ACAD11: variants seen among roughly 807,000 people sequenced by gnomAD.
ACAD11 encodes acyl-Coenzyme A dehydrogenase family, member 11.
In ACAD11, 83 loss-of-function variants were observed where a neutral mutation model predicts 102.2. The ratio of observed to expected loss-of-function variants is 0.81; its 90% CI spans 0.68 to 0.97. ACAD11 has a LOEUF of 0.97. Ranked by LOEUF, ACAD11 falls within the 50% of genes least tolerant of loss-of-function variation. ACAD11 has a pLI of 0.00. For missense variants in ACAD11, 901 were observed against 951.7 expected (o/e 0.95, Z 0.70); for synonymous variants, 324 against 319.8 (o/e 1.01, Z -0.14).
chr3:132,634,054 A>C (rs1940165987), intron 5 of ACAD11, among the ~76,000 whole-genome samples: 2 of 152,314 alleles, frequency 1.3e-5, no homozygotes, highest in Admixed American at 6.5e-5. Flanking sequence ...AAAATTGACA[A>C]ATAGGATCTA....
chr3:132,648,331 A>T (rs891145158), intron 1 of ACAD11: 4 of 152,230 alleles, frequency 2.6e-5, no homozygotes, highest in African/African-American at 9.6e-5. Context: ...CTGGAAACAC[A>T]TCTGATATGC....
chr3:132,566,304 C>CAACAAAAAAAAAAA (rs1937210473), intron 17 of ACAD11, among the ~76,000 whole-genome samples: 1 of 135,836 alleles, frequency 7.4e-6, no homozygotes, highest in Non-Finnish European at 1.5e-5. Context: ...CTCAAAAAAA[C>CAACAAAAAAAAAAA]AAAAAAAAAA....
intron 5 of ACAD11, among the ~76,000 whole-genome samples, chr3:132,638,149 T>C (rs976929235): frequency 6.6e-6 from 1 of 152,182 alleles, no homozygotes; most frequent in Non-Finnish European, 1.5e-5. Context: ...GCATCATTGA[T>C]GTGCCAGGTA....
At chr3:132,603,474 A>G in intron 12 of ACAD11, 147 bp from the exon 13 acceptor site, 1 of 643,366 alleles carries the variant, frequency 1.6e-6, no homozygotes, top group Admixed American at 2.7e-5. Flanking sequence ...CCCATAACCT[A>G]CACACAGTAT....
chr3:132,585,364 C>T (rs547415754), intron 13 of ACAD11, among the ~76,000 whole-genome samples: 26 of 152,178 alleles, frequency 1.7e-4, no homozygotes, highest in South Asian at 6.2e-4. Context: ...TAAAGACTTA[C>T]GTGTTAGACC....
chr3:132,659,240 C>A (rs979736201), intron 1 of ACAD11, among the ~76,000 whole-genome samples: 1 of 152,234 alleles, frequency 6.6e-6, no homozygotes, highest in Non-Finnish European at 1.5e-5. Flanking sequence ...AACGGAATTA[C>A]ACCAGCTTCT....
At chr3:132,577,383 A>G (rs72998137) in intron 15 of ACAD11, among the ~76,000 whole-genome samples, 1,890 of 152,348 alleles carry the variant, frequency 0.012, 40 homozygotes, top group African/African-American at 0.043. Context: ...TTGCATGGAA[A>G]AAAGTTTCAA....
intron 13 of ACAD11, among the ~76,000 whole-genome samples, chr3:132,595,549 A>G (rs897197117): frequency 1.3e-5 from 2 of 152,202 alleles, no homozygotes; most frequent in Non-Finnish European, 2.9e-5. Flanking sequence ...TTTGCAAACT[A>G]TGCATCTGAC....
intron 12 of ACAD11, among the ~76,000 whole-genome samples, chr3:132,604,090 G>A (rs1938736794): frequency 6.6e-6 from 1 of 152,050 alleles, no homozygotes; most frequent in African/African-American, 2.4e-5. Flanking sequence ...GCCTATTACT[G>A]ATTTAAACGG....
chr3:132,626,317 T>C (rs940340497), intron 9 of ACAD11, among the ~76,000 whole-genome samples: 8 of 152,038 alleles, frequency 5.3e-5, no homozygotes, highest in Admixed American at 3.9e-4. Flanking sequence ...TGAAATGATA[T>C]GTAAAATTCT....
intron 13 of ACAD11, among the ~76,000 whole-genome samples, chr3:132,587,529 G>A (rs1937893585): frequency 1.3e-5 from 2 of 152,172 alleles, no homozygotes; most frequent in East Asian, 1.9e-4. Flanking sequence ...TGACCTCAAT[G>A]AGCACATTTA....
intron 9 of ACAD11, among the ~76,000 whole-genome samples, chr3:132,619,818 C>G (rs1046280346): frequency 4.6e-5 from 7 of 152,068 alleles, no homozygotes; most frequent in African/African-American, 1.7e-4. Flanking sequence ...ATAGAAACTG[C>G]TCAACTAAAA....
chr3:132,567,658 T>G (rs1483370057), intron 17 of ACAD11, among the ~76,000 whole-genome samples: 1 of 152,164 alleles, frequency 6.6e-6, no homozygotes, highest in Non-Finnish European at 1.5e-5. Flanking sequence ...TAAAGTGGAT[T>G]AAAAATATGA....
In ACAD11 at chr3:132,644,183, C is replaced by T. The variant is rs1191981196; in HGVS notation, c.249+614G>A. On this transcript the variant is annotated intron_variant, in intron 2 of 19. Transcript: ENST00000264990. ...GGGAAGCACCTGCTGTACATGATTA[C>T]GGCTATACCCTAAATACGCACAGTG... is the stretch of plus-strand genomic sequence containing the variant. Among the ~76,000 whole-genome samples the T allele has an allele frequency of 5.9e-5, 9 of 152,256 alleles. No homozygotes were observed. In the East Asian group the frequency reaches 1.4e-3, roughly 23 times the overall value.
intron 1 of ACAD11, chr3:132,654,416 T>C (rs1937672897): frequency 6.6e-6 from 1 of 152,224 alleles, no homozygotes; most frequent in Non-Finnish European, 1.5e-5. Flanking sequence ...CACTGACCAC[T>C]CAGAGTAGTA....
intron 1 of ACAD11, among the ~76,000 whole-genome samples, chr3:132,647,708 C>A (rs1217536827): frequency 6.6e-6 from 1 of 152,114 alleles, no homozygotes; most frequent in Non-Finnish European, 1.5e-5. Context: ...AGTATGGGTA[C>A]CACCTTGATT....
At chr3:132,595,925 G>A (rs1483055394) in intron 13 of ACAD11, among the ~76,000 whole-genome samples, 3 of 152,046 alleles carry the variant, frequency 2.0e-5, no homozygotes, top group South Asian at 4.2e-4. Context: ...TCCATTACTG[G>A]GTATATACCC....
At chr3:132,591,891 C>T (rs1212665360) in intron 13 of ACAD11, among the ~76,000 whole-genome samples, 4 of 151,992 alleles carry the variant, frequency 2.6e-5, no homozygotes, top group Non-Finnish European at 5.9e-5. Flanking sequence ...GATTTTGTCT[C>T]CAAACAAAGC....
intron 13 of ACAD11, among the ~76,000 whole-genome samples, chr3:132,586,388 GT>G (rs1272984504): frequency 1.3e-5 from 2 of 151,998 alleles, no homozygotes; most frequent in Non-Finnish European, 2.9e-5. Context: ...TATACCTAAT[GT>G]TAAATGACGA....
Sources: allele counts gnomAD v4.1 joint callset (sites outside exome capture counted in the v4.1 genomes callset), GRCh38; gene constraint gnomAD v4.1.1; transcripts MANE v1.5; gene names NCBI Gene and HGNC (gene_info 2026-07-23, HGNC 2026-07-21).